DYNC1H1: variants seen among roughly 807,000 people sequenced by gnomAD.
DYNC1H1 encodes dynein cytoplasmic 1 heavy chain 1.
In DYNC1H1, 51 loss-of-function variants were observed where a neutral mutation model predicts 527.1. The observed-to-expected ratio is 0.10, with a 90% CI of 0.08 to 0.12. The LOEUF (loss-of-function observed/expected upper bound fraction) is 0.12, where lower values mean the gene tolerates loss of function less well. Ranked by LOEUF, DYNC1H1 falls within the 10% of genes least tolerant of loss-of-function variation. The pLI, the probability that DYNC1H1 is intolerant of heterozygous loss-of-function variation, is 1.00. For synonymous variants in DYNC1H1, 2,189 were observed against 2,278.8 expected (o/e 0.96, Z 1.12); for missense variants, 2,771 against 5,971.8 (o/e 0.46, Z 17.66).
At position 102,055,993 on chromosome 14, in the gene DYNC1H1, C is replaced by G. The variant is rs1353225345; in HGVS notation, c.*5430C>G. 1 of 152,230 alleles carries G rather than the reference C, an allele frequency of 6.6e-6. No individual in the cohort carries two copies. The highest frequency in any genetic ancestry group is 2.4e-5 in the African/African-American group (1 of 41,456). The allele number at this position is 152,230 out of a possible 1,614,324, so 9.4% of individuals were successfully genotyped here. On this transcript the variant is annotated 3_prime_UTR_variant, in exon 78 of 78. Coordinates refer to ENST00000360184, the MANE Select transcript of DYNC1H1 (RefSeq NM_001376.5). ...ATTTGTCAAGGTTGAGGACGCGCAC[C>G]CATGACACAGCCTCAGGAGGTCCTG...
At chr14:101,972,600 A>G (rs1449020185) in intron 1 of DYNC1H1, among the ~76,000 whole-genome samples, 1 of 152,158 alleles carries the variant, frequency 6.6e-6, no homozygotes, top group African/African-American at 2.4e-5. Context: ...TTGGAATGGC[A>G]CCTAGTTCCC....
Position 102,048,029 on chromosome 14 carries a change from G to C in DYNC1H1, c.13218+1G>C. The C allele has an allele frequency of 6.2e-7, 1 of 1,609,844 alleles. No homozygotes were observed. Among genetic ancestry groups the C allele is most frequent in the Non-Finnish European group, 8.5e-7 (1 of 1,179,584 alleles). ...CAAGCGCACCGTGGAGAATATCAAG[G>C]TAGCTGGGAGGGTGGCGGGCCGGCC... On this transcript the variant is annotated splice_donor_variant, in intron 73 of 77. Coordinates refer to ENST00000360184, the MANE Select transcript of DYNC1H1 (RefSeq NM_001376.5). LOFTEE classifies it high-confidence loss of function.
In DYNC1H1 at chr14:102,036,286, C is replaced by T; in HGVS notation, c.10755-203C>T. The stretch of plus-strand genomic sequence containing the variant: ...TATGACTCAAGCTACCTCCTCATGC[C>T]AATAGTTGTTCAAAAGGATGAGGTG... On this transcript the variant is annotated intron_variant, in intron 56 of 77. Transcript: ENST00000360184. The surrounding 1 kb of genome is among the most constrained non-coding windows in gnomAD (Gnocchi z 5.6). The T allele has an allele frequency of 3.3e-6, 2 of 599,500 alleles. No individual in the cohort carries two copies. Among genetic ancestry groups the T allele is most frequent in the South Asian group, 3.6e-5 (2 of 55,070 alleles). 37.1% of individuals were successfully genotyped at this position (599,500 alleles called of 1,614,324 possible).
Position 102,004,907 on chromosome 14 carries a change from C to T in DYNC1H1, c.5195C>T (p.Ser1732Leu). 1.2e-6 allele frequency: 2 copies of T among 1,614,208 alleles called. No homozygotes were observed. The highest frequency in any genetic ancestry group is 1.7e-6 in the Non-Finnish European group (2 of 1,180,048). The change falls in exon 25 of 78, where the codon TCA becomes TTA. Residue 1732 changes from serine to leucine, a missense_variant. Physicochemically the swap from Ser to Leu is moderately radical, Grantham distance 145. Transcript: ENST00000360184. ...GTTGAGATTTTTGGTAAAGCAACTT[C>T]AATTGACCCAAATACCTACATCACT... ...TEVEIFGKAT[S>L]IDPNTYITWI... is the part of the protein sequence containing the mutation.
rs1194016970 is a variant in DYNC1H1, at chr14:101,994,449, G to C, written c.3156+125G>C. On this transcript the variant is annotated intron_variant, in intron 12 of 77. Coordinates refer to ENST00000360184, the MANE Select transcript of DYNC1H1 (RefSeq NM_001376.5). ...ATGTATGGTTCACTAGATACTATTT[G>C]CTGTTTCAAAGCAGAGAGTAAATGA... 5 of 1,466,178 alleles carry C rather than the reference G, an allele frequency of 3.4e-6. No individual in the cohort carries two copies. The African/African-American group carries it at 7.0e-5, about 20-fold the overall frequency. The allele number at this position is 1,466,178 out of a possible 1,614,324, so 90.8% of individuals were successfully genotyped here.
At chr14:102,048,409 T>A in intron 73 of DYNC1H1, 107 bp from the exon 74 acceptor site, 1 of 1,464,644 alleles carries the variant, frequency 6.8e-7, no homozygotes, top group South Asian at 1.2e-5. Flanking sequence ...CCTGGACAGT[T>A]CGGAAGCTCT....
At position 102,042,765 on chromosome 14, in the gene DYNC1H1, C is replaced by T. The variant is rs368189529; in HGVS notation, c.12513+17C>T. ...ATATGCAAGGTAAGTACCTTGTCCT[C>T]CTGGTATGCTTTCCCCATAGAAGCT... is the stretch of plus-strand genomic sequence containing the variant. On this transcript the variant is annotated intron_variant, in intron 69 of 77. Transcript: ENST00000360184. This position sits in a 1 kb window ranked among gnomAD's most constrained non-coding sequence, Gnocchi z 5.7. 5.8e-4 allele frequency: 942 copies of T among 1,612,556 alleles called. No homozygotes were observed. The highest frequency in any genetic ancestry group is 7.5e-4 in the Non-Finnish European group (879 of 1,179,036).
At chr14:101,998,879 C>CTTTTTTTTTTTTTTTTTTTTTT (rs888317854) in intron 16 of DYNC1H1, among the ~76,000 whole-genome samples, 1 of 115,220 alleles carries the variant, frequency 8.7e-6, no homozygotes, top group African/African-American at 3.8e-5. Context: ...AAAACTTTTT[C>CTTTTTTTTTTTTTTTTTTTTTT]TTTTTTTTTT....
rs746850569 is a variant in DYNC1H1, at chr14:102,042,763, C to G, written c.12513+15C>G. The G allele has an allele frequency of 6.2e-7, 1 of 1,612,080 alleles. No individual in the cohort carries two copies. Among genetic ancestry groups the G allele is most frequent in the Admixed American group, 1.7e-5 (1 of 59,948 alleles). On this transcript the variant is annotated intron_variant, in intron 69 of 77. Transcript: ENST00000360184. The surrounding 1 kb of genome is among the most constrained non-coding windows in gnomAD (Gnocchi z 5.7). ...GGATATGCAAGGTAAGTACCTTGTC[C>G]TCCTGGTATGCTTTCCCCATAGAAG...
At chr14:102,028,250 G>C in intron 48 of DYNC1H1, 109 bp downstream of exon 48, 1 of 1,312,920 alleles carries the variant, frequency 7.6e-7, no homozygotes, top group East Asian at 2.5e-5. Flanking sequence ...AGTGACTCAT[G>C]CCTGTAATCC....
In DYNC1H1 at chr14:102,038,511, C is replaced by T. The variant is rs2048604040; in HGVS notation, c.10960C>T (p.Arg3654Trp). 2.5e-6 allele frequency: 4 copies of T among 1,613,926 alleles called. No homozygotes were observed. Among genetic ancestry groups the T allele is most frequent in the Non-Finnish European group, 3.4e-6 (4 of 1,180,008 alleles). Reference protein sequence around the residue: ...VLNPVLNREVRRTGGRVLITL... With the variant: ...VLNPVLNREVWRTGGRVLITL... ...GAACCCGGTGCTGAACCGTGAAGTG[C>T]GGCGAACAGGGGGGAGAGTGCTGAT... Residue 3654 changes from arginine to tryptophan, a missense_variant, in exon 58 of 78, where the codon CGG becomes TGG. Coordinates refer to ENST00000360184, the MANE Select transcript of DYNC1H1 (RefSeq NM_001376.5). This position sits in a 1 kb window ranked among gnomAD's most constrained non-coding sequence, Gnocchi z 7.2.
chr14:102,041,012 G>GGAAACCACTTAGGGA lies in DYNC1H1; in HGVS notation c.11941+342_11941+356dup. 2.4e-6 allele frequency: 1 copy of GGAAACCACTTAGGGA among 409,582 alleles called. No individual in the cohort carries two copies. The highest frequency in any genetic ancestry group is 2.2e-5 in the South Asian group (1 of 46,290). 25.4% of individuals were successfully genotyped at this position (409,582 alleles called of 1,614,324 possible). ...GTATTTCAATGTTAAAACTTTTTAA[G>GGAAACCACTTAGGGA]GAAACCACTTAGGGAGATCGCTTCT... On this transcript the variant is annotated intron_variant, in intron 64 of 77. Coordinates refer to ENST00000360184, the MANE Select transcript of DYNC1H1 (RefSeq NM_001376.5). This position sits in a 1 kb window ranked among gnomAD's most constrained non-coding sequence, Gnocchi z 4.5.
chr14:102,044,010 G>A lies in DYNC1H1; in HGVS notation c.12649G>A (p.Asp4217Asn), dbSNP rs1463492844. The A allele has an allele frequency of 6.2e-7, 1 of 1,614,156 alleles. No homozygotes were observed. The highest frequency in any genetic ancestry group is 1.3e-5 in the African/African-American group (1 of 75,070). The change falls in exon 70 of 78, where the codon GAT (aspartate) becomes AAT (asparagine). Residue 4217 changes from aspartate to asparagine, a missense_variant. Physicochemically the swap from Asp to Asn is conservative, Grantham distance 23 (BLOSUM62 1). Transcript: ENST00000360184. This position sits in a 1 kb window ranked among gnomAD's most constrained non-coding sequence, Gnocchi z 7.1. Reference sequence around the variant, plus strand: ...AGAGTCTGACCTGCGGTCAGCTTGCGATACGGTGGACACGTGGCTGGATGA... The same window carrying A: ...AGAGTCTGACCTGCGGTCAGCTTGCAATACGGTGGACACGTGGCTGGATGA... ...FGESDLRSAC[D>N]TVDTWLDDTA...
At chr14:102,013,357 A>G (rs546844044) in intron 34 of DYNC1H1, among the ~76,000 whole-genome samples, 11 of 152,066 alleles carry the variant, frequency 7.2e-5, no homozygotes, top group African/African-American at 2.7e-4. Context: ...AAAAAATGGA[A>G]AGCGAGCTGT....
rs569703100 is a variant in DYNC1H1, at chr14:102,042,909, G to A, written c.12513+161G>A. 3.2e-5 allele frequency: 26 copies of A among 810,144 alleles called. No homozygotes were observed. The Middle Eastern group carries it at 1.0e-3, about 32-fold the overall frequency. The allele number at this position is 810,144 out of a possible 1,614,324, so 50.2% of individuals were successfully genotyped here. A position where few individuals can be genotyped will look rare whatever the true frequency, so the allele number is the denominator to read the frequency against. On this transcript the variant is annotated intron_variant, in intron 69 of 77. Transcript: ENST00000360184. The surrounding 1 kb of genome is among the most constrained non-coding windows in gnomAD (Gnocchi z 5.7). The stretch of plus-strand genomic sequence containing the variant: ...GTAGGTAAAATTTCCTTCCATGGCC[G>A]GGCACCGTGGCTCACACTGGTAATC...
In DYNC1H1 at chr14:102,036,001, AT is replaced by A. The variant is rs1252407128; in HGVS notation, c.10755-485del. On this transcript the variant is annotated intron_variant, in intron 56 of 77. Coordinates refer to ENST00000360184, the MANE Select transcript of DYNC1H1 (RefSeq NM_001376.5). This position sits in a 1 kb window ranked among gnomAD's most constrained non-coding sequence, Gnocchi z 5.6. ...ATTAGCTTATTTGTGTCCTTTCCTC[AT>A]TTGTAGAATGGTTCGATAACAGTGT... is the stretch of plus-strand genomic sequence containing the variant. 5.7e-6 allele frequency: 1 copy of A among 175,802 alleles called. No individual in the cohort carries two copies. The highest frequency in any genetic ancestry group is 1.2e-5 in the Non-Finnish European group (1 of 81,546). The allele number at this position is 175,802 out of a possible 1,614,324, so 10.9% of individuals were successfully genotyped here.
In DYNC1H1 at chr14:102,011,290, C is replaced by T. The variant is rs144812873; in HGVS notation, c.6618+338C>T. The T allele has an allele frequency of 2.5e-4, 98 of 390,642 alleles. 1 individual carries two copies. Among genetic ancestry groups the T allele is most frequent in the African/African-American group, 6.0e-4 (29 of 48,314 alleles). 24.2% of individuals were successfully genotyped at this position (390,642 alleles called of 1,614,324 possible). A position where few individuals can be genotyped will look rare whatever the true frequency, so the allele number is the denominator to read the frequency against. ...GAACAACCTGAATCGCTGATCAATA[C>T]GTAGTTTACATTCTGTATTGGCTTC... is the stretch of plus-strand genomic sequence containing the variant. On this transcript the variant is annotated intron_variant, in intron 32 of 77. Coordinates refer to ENST00000360184, the MANE Select transcript of DYNC1H1 (RefSeq NM_001376.5). The surrounding 1 kb of genome is among the most constrained non-coding windows in gnomAD (Gnocchi z 5.3).
At position 102,044,712 on chromosome 14, in the gene DYNC1H1, A is replaced by G. The variant is rs2048694146; in HGVS notation, c.13006+14A>G. The G allele has an allele frequency of 6.2e-7, 1 of 1,613,022 alleles. No individual in the cohort carries two copies. Among genetic ancestry groups the G allele is most frequent in the Non-Finnish European group, 8.5e-7 (1 of 1,179,906 alleles). On this transcript the variant is annotated intron_variant, in intron 72 of 77. Transcript: ENST00000360184. The surrounding 1 kb of genome is among the most constrained non-coding windows in gnomAD (Gnocchi z 7.1). The stretch of plus-strand genomic sequence containing the variant: ...TTACCACACAGGGTAGGCAACAAGG[A>G]TCCTCCCCACACGCAGGGTGGGTGG...
In DYNC1H1 at chr14:102,042,198, C is replaced by T. The variant is rs763889157; in HGVS notation, c.12215-30C>T. ...GGTGGGCATTGATGTCCGAGGCTGC[C>T]GCTGCTAACACTAAGTTTCCCTGCA... is the stretch of plus-strand genomic sequence containing the variant. On this transcript the variant is annotated intron_variant, in intron 66 of 77. Coordinates refer to ENST00000360184, the MANE Select transcript of DYNC1H1 (RefSeq NM_001376.5). This position sits in a 1 kb window ranked among gnomAD's most constrained non-coding sequence, Gnocchi z 5.7. The T allele has an allele frequency of 1.4e-5, 23 of 1,613,824 alleles. No individual in the cohort carries two copies. Among genetic ancestry groups the T allele is most frequent in the East Asian group, 2.2e-5 (1 of 44,844 alleles).
Sources: allele counts gnomAD v4.1 joint callset (sites outside exome capture counted in the v4.1 genomes callset), GRCh38; gene constraint gnomAD v4.1.1; non-coding constraint Gnocchi (gnomAD v3.1); transcripts MANE v1.5; gene names NCBI Gene and HGNC (gene_info 2026-07-23, HGNC 2026-07-21).